Variants in GDPD5 observed in about 807,000 individuals in gnomAD.
GDPD5 encodes the protein glycerophosphodiester phosphodiesterase 2.
In GDPD5, 48 loss-of-function variants were observed where a neutral mutation model predicts 75.1. That is an observed-to-expected ratio of 0.64 (90% CI 0.51 to 0.81). The LOEUF is 0.81. Ranked by LOEUF, GDPD5 falls within the 40% of genes least tolerant of loss-of-function variation. The pLI is 0.00. For missense variants in GDPD5, 706 were observed against 822.6 expected (o/e 0.86, Z 1.73); for synonymous variants, 336 against 339.0 (o/e 0.99, Z 0.10).
intron 2 of GDPD5, among the ~76,000 whole-genome samples, chr11:75,478,631 T>C (rs1443130815): frequency 6.6e-6 from 1 of 152,224 alleles, no homozygotes; most frequent in Non-Finnish European, 1.5e-5. Flanking sequence ...AGGCAAGGAT[T>C]TTTGTCTGTT....
At chr11:75,442,805 G>A (rs904339755) in intron 11 of GDPD5, 4 of 604,378 alleles carry the variant, frequency 6.6e-6, no homozygotes, top group Admixed American at 2.9e-5. Context: ...GCTTGGAATC[G>A]CTCCCAGACC....
chr11:75,492,004 G>A (rs1215540818), intron 1 of GDPD5, among the ~76,000 whole-genome samples: 2 of 152,176 alleles, frequency 1.3e-5, no homozygotes, highest in Non-Finnish European at 2.9e-5. Flanking sequence ...ACAAGTCCAT[G>A]ACTCCATCCC....
chr11:75,507,902 T>C (rs1950435890), intron 1 of GDPD5, among the ~76,000 whole-genome samples: 1 of 151,710 alleles, frequency 6.6e-6, no homozygotes, highest in Admixed American at 6.6e-5. Context: ...GCCTGAGCCC[T>C]TGACCCGCAC....
chr11:75,442,773 C>T (rs1239419427), intron 11 of GDPD5, 192 bp from the exon 12 acceptor site: 1 of 614,902 alleles, frequency 1.6e-6, no homozygotes, highest in African/African-American at 1.8e-5. Context: ...ACCCTGCTTA[C>T]CAAGAGGACG....
At chr11:75,481,210 A>G (rs1047587401) in intron 2 of GDPD5, among the ~76,000 whole-genome samples, 1 of 152,190 alleles carries the variant, frequency 6.6e-6, no homozygotes, top group African/African-American at 2.4e-5. Context: ...GCCACTCTCC[A>G]AGGCCCCAGG....
At chr11:75,495,761 C>T (rs549774592) in intron 1 of GDPD5, among the ~76,000 whole-genome samples, 1 of 152,284 alleles carries the variant, frequency 6.6e-6, no homozygotes, top group African/African-American at 2.4e-5. Flanking sequence ...ACATGGATCT[C>T]TATTTGTATT....
chr11:75,520,951 C>T (rs947460491), intron 1 of GDPD5, among the ~76,000 whole-genome samples: 2 of 152,224 alleles, frequency 1.3e-5, no homozygotes, highest in African/African-American at 4.8e-5. Context: ...CTCCTTTGGG[C>T]GAGGCAGCTA....
chr11:75,456,072 A>G (rs73494859), intron 6 of GDPD5, among the ~76,000 whole-genome samples: 4,179 of 152,268 alleles, frequency 0.027, 195 homozygotes, highest in African/African-American at 0.095. Flanking sequence ...AATCCTGTGT[A>G]TGTAGGGGAG....
intron 1 of GDPD5, among the ~76,000 whole-genome samples, chr11:75,491,008 C>G (rs1160221154): frequency 6.6e-6 from 1 of 152,206 alleles, no homozygotes; most frequent in East Asian, 1.9e-4. Context: ...GACACTGAGG[C>G]TGCAAGGACG....
At chr11:75,464,654 G>A (rs576630884) in intron 3 of GDPD5, among the ~76,000 whole-genome samples, 7 of 152,276 alleles carry the variant, frequency 4.6e-5, no homozygotes, top group Non-Finnish European at 2.9e-5. Flanking sequence ...CAAAGGTGAC[G>A]ACACCCTGAG....
chr11:75,442,020 G>A (rs553317640), intron 12 of GDPD5, among the ~76,000 whole-genome samples: 3 of 152,308 alleles, frequency 2.0e-5, no homozygotes, highest in Non-Finnish European at 2.9e-5. Context: ...CTGTCAGTAC[G>A]GGAGGGAAAA....
At chr11:75,443,370 C>T in intron 10 of GDPD5, 84 bp from the exon 11 acceptor site, 1 of 1,459,564 alleles carries the variant, frequency 6.9e-7, no homozygotes, top group Non-Finnish European at 9.2e-7. Flanking sequence ...ACACAGTCCT[C>T]CCCACCCAGC....
At chr11:75,457,837 G>A (rs577593020) in intron 4 of GDPD5, 51 bp from the exon 5 acceptor site, 7 of 1,438,830 alleles carry the variant, frequency 4.9e-6, no homozygotes, top group East Asian at 2.3e-5. Flanking sequence ...GCCACTACCT[G>A]GCCCAGGAAT....
In GDPD5 at chr11:75,456,788, C is replaced by T; in HGVS notation, c.344G>A (p.Gly115Glu). 1 of 1,614,246 alleles carries T rather than the reference C, an allele frequency of 6.2e-7. No individual in the cohort carries two copies. The highest frequency in any genetic ancestry group is 8.5e-7 in the Non-Finnish European group (1 of 1,180,036). The change falls in exon 6 of 17, where the codon GGG becomes GAG. Residue 115 changes from glycine to glutamate, a missense_variant. Transcript: ENST00000336898. ...LVLALCHIAV[G>E]QQMNLHWLHK... ...CAGCCAGTGCAGGTTCATCTGCTGC[C>T]CCACGGCAATGTGACATAGTGCCAG...
intron 1 of GDPD5, chr11:75,517,565 G>A (rs1950666307): frequency 6.6e-6 from 1 of 152,156 alleles, no homozygotes; most frequent in African/African-American, 2.4e-5. Flanking sequence ...CCCTGTGTGT[G>A]AGCCCGTAGT....
At position 75,477,783 on chromosome 11, in the gene GDPD5, C is replaced by A. The variant is rs745614945; in HGVS notation, c.-48G>T. 15 of 1,350,162 alleles carry A rather than the reference C, an allele frequency of 1.1e-5. No homozygotes were observed. The highest frequency in any genetic ancestry group is 1.4e-5 in the South Asian group (1 of 71,214). 83.6% of individuals were successfully genotyped at this position (1,350,162 alleles called of 1,614,324 possible). ...CCTGGCCCTCAGGCGCCCATGGAGG[C>A]CCCCAGCTTGTCCTGCAGGAGGAAG... On this transcript the variant is annotated 5_prime_UTR_variant, in exon 3 of 17. Coordinates refer to ENST00000336898, the MANE Select transcript of GDPD5 (RefSeq NM_030792.8).
Position 75,441,208 on chromosome 11 carries a change from G to C in GDPD5, c.1428C>G (p.Asp476Glu). 1 of 1,614,054 alleles carries C rather than the reference G, an allele frequency of 6.2e-7. No homozygotes were observed. Reference sequence around the variant, plus strand: ...GCACCTGGGACAGGGCGTGGGAGTTGTCAGAGGTGACGGATGGGACCCCCG... The same window carrying C: ...GCACCTGGGACAGGGCGTGGGAGTTCTCAGAGGTGACGGATGGGACCCCCG... ...WCAGVPSVTS[D>E]NSHALSQVPS... The change falls in exon 14 of 17, where the codon GAC becomes GAG. Residue 476 changes from aspartate to glutamate, a missense_variant. Transcript: ENST00000336898.
intron 4 of GDPD5, among the ~76,000 whole-genome samples, chr11:75,460,046 T>C (rs985596682): frequency 1.3e-5 from 2 of 150,990 alleles, no homozygotes; most frequent in Non-Finnish European, 2.9e-5. Flanking sequence ...ATCTACTGCC[T>C]GGCAGATCAC....
At chr11:75,455,553 T>A (rs1234215615) in intron 6 of GDPD5, among the ~76,000 whole-genome samples, 1 of 152,170 alleles carries the variant, frequency 6.6e-6, no homozygotes, top group Non-Finnish European at 1.5e-5. Context: ...TGTCCCCTCT[T>A]CCTTTCCTAT....
Sources: gnomAD v4.1 joint callset for allele counts (sites outside exome capture counted in the v4.1 genomes callset) on GRCh38, gnomAD v4.1.1 for gene constraint, MANE v1.5 for transcripts, NCBI Gene and HGNC (gene_info 2026-07-23, HGNC 2026-07-21) for gene names.